Variants in GRIA1 observed in about 807,000 individuals in gnomAD.
GRIA1 encodes glutamate ionotropic receptor AMPA type subunit 1.
In GRIA1, 31 loss-of-function variants were observed where a neutral mutation model predicts 99.2. The ratio of observed to expected loss-of-function variants is 0.31; its 90% CI spans 0.23 to 0.42. GRIA1 has a LOEUF of 0.42. Among genes scored for constraint, GRIA1 ranks in the 10% least tolerant of loss-of-function variants. GRIA1 has a pLI of 1.00. For missense variants in GRIA1, 782 were observed against 1,157.5 expected (o/e 0.68, Z 4.71); for synonymous variants, 438 against 432.4 (o/e 1.01, Z -0.16).
intron 11 of GRIA1, among the ~76,000 whole-genome samples, chr5:153,706,422 T>C (rs1255964039): frequency 6.6e-6 from 1 of 152,224 alleles, no homozygotes; most frequent in Non-Finnish European, 1.5e-5. Flanking sequence ...TTCTGAGTCC[T>C]GTACATGCCT....
intron 11 of GRIA1, among the ~76,000 whole-genome samples, chr5:153,716,920 G>A (rs970976597): frequency 5.3e-5 from 8 of 152,178 alleles, no homozygotes; most frequent in African/African-American, 1.4e-4. Flanking sequence ...AAGGACATTC[G>A]TTTCACTGTT....
intron 2 of GRIA1, among the ~76,000 whole-genome samples, chr5:153,623,444 G>T (rs1349707975): frequency 6.6e-6 from 1 of 152,132 alleles, no homozygotes; most frequent in Non-Finnish European, 1.5e-5. Context: ...TGTTAGCAAA[G>T]GTAGCAAGTG....
At chr5:153,538,375 A>G (rs1758769748) in intron 2 of GRIA1, among the ~76,000 whole-genome samples, 1 of 152,186 alleles carries the variant, frequency 6.6e-6, no homozygotes, top group African/African-American at 2.4e-5. Flanking sequence ...TATGACAAAA[A>G]GATTTAAAGG....
At chr5:153,790,512 G>A (rs113182920) in intron 13 of GRIA1, among the ~76,000 whole-genome samples, 2,604 of 152,152 alleles carry the variant, frequency 0.017, 30 homozygotes, top group Non-Finnish European at 0.027. Flanking sequence ...TTCTAGAACA[G>A]CACCTTCCAA....
At chr5:153,739,088 CAAA>C (rs34623069) in intron 11 of GRIA1, among the ~76,000 whole-genome samples, 2 of 139,430 alleles carry the variant, frequency 1.4e-5, no homozygotes, top group African/African-American at 2.6e-5. Flanking sequence ...GGGATTTCTC[CAAA>C]AAAAAAAAAA....
chr5:153,644,186 A>G (rs1302283756), intron 2 of GRIA1, among the ~76,000 whole-genome samples: 1 of 152,240 alleles, frequency 6.6e-6, no homozygotes, highest in Non-Finnish European at 1.5e-5. Flanking sequence ...CATTGGGAGA[A>G]TAATATGTGA....
At chr5:153,616,612 A>G (rs973768833) in intron 2 of GRIA1, among the ~76,000 whole-genome samples, 1 of 152,222 alleles carries the variant, frequency 6.6e-6, no homozygotes, top group Non-Finnish European at 1.5e-5. Context: ...ATACAATTTT[A>G]TTCTCCCAGG....
chr5:153,807,650 G>T (rs1173280158), intron 15 of GRIA1, among the ~76,000 whole-genome samples: 1 of 152,130 alleles, frequency 6.6e-6, no homozygotes, highest in African/African-American at 2.4e-5. Flanking sequence ...ACTCAGAGAG[G>T]GACTTCAGGC....
At chr5:153,708,877 T>G (rs963310103) in intron 11 of GRIA1, among the ~76,000 whole-genome samples, 3 of 152,170 alleles carry the variant, frequency 2.0e-5, no homozygotes, top group African/African-American at 7.2e-5. Flanking sequence ...GACACAAGAG[T>G]GAACTGCCAA....
chr5:153,804,516 C>T (rs1177273837), intron 15 of GRIA1, among the ~76,000 whole-genome samples: 3 of 152,172 alleles, frequency 2.0e-5, no homozygotes, highest in Non-Finnish European at 4.4e-5. Flanking sequence ...TCTCTATAGA[C>T]CATGACTCAA....
rs7736143 is a variant in GRIA1 at position 153,614,731 on chromosome 5, A to T, written c.221-32197A>T. Among the ~76,000 whole-genome samples, 1,486 of 152,366 alleles carry T rather than the reference A, an allele frequency of 9.8e-3. 19 individuals carry two copies. Among genetic ancestry groups the T allele is most frequent in the African/African-American group, 0.034 (1,403 of 41,580 alleles). The stretch of plus-strand genomic sequence containing the variant: ...TGATTGATAAGCCATTTCTCTTTCT[A>T]TGCAAACAGAGAGCCTCTCAGGTAC... On this transcript the variant is annotated intron_variant, in intron 2 of 15. Transcript: ENST00000285900.
At chr5:153,654,955 A>C (rs376441673) in intron 4 of GRIA1, among the ~76,000 whole-genome samples, 1 of 152,190 alleles carries the variant, frequency 6.6e-6, no homozygotes, top group Non-Finnish European at 1.5e-5. Context: ...TCTTTCCACA[A>C]ATATTTTTTC....
At chr5:153,552,203 A>T (rs900966888) in intron 2 of GRIA1, among the ~76,000 whole-genome samples, 3 of 151,964 alleles carry the variant, frequency 2.0e-5, no homozygotes, top group African/African-American at 4.8e-5. Flanking sequence ...ACAAAAAAAC[A>T]TCATGAGACT....
chr5:153,731,235 T>C (rs1391161737), intron 11 of GRIA1, among the ~76,000 whole-genome samples: 1 of 151,876 alleles, frequency 6.6e-6, no homozygotes, highest in African/African-American at 2.4e-5. Flanking sequence ...TTTCTCTCTC[T>C]CTCTCTCTCC....
chr5:153,810,370 A>C (rs1264429047), intron 15 of GRIA1, among the ~76,000 whole-genome samples: 7 of 152,240 alleles, frequency 4.6e-5, no homozygotes, highest in Middle Eastern at 6.3e-3. Flanking sequence ...TATTCAAACG[A>C]GTCCTACATT....
intron 2 of GRIA1, among the ~76,000 whole-genome samples, chr5:153,549,409 A>G (rs1272593625): frequency 6.6e-6 from 1 of 152,146 alleles, no homozygotes; most frequent in African/African-American, 2.4e-5. Context: ...GGTTTTAATC[A>G]GGAAAAAGAA....
intron 2 of GRIA1, among the ~76,000 whole-genome samples, chr5:153,638,017 A>G (rs991886132): frequency 4.6e-5 from 7 of 152,254 alleles, no homozygotes; most frequent in South Asian, 2.1e-4. Flanking sequence ...ATAATATAAA[A>G]TAAAATAATC....
rs529028583 is a variant in GRIA1, at chr5:153,675,851, G to T, written c.862-1143G>T. Among the ~76,000 whole-genome samples the T allele has an allele frequency of 1.3e-4, 18 of 140,526 alleles. No homozygotes were observed. In the South Asian group the frequency reaches 4.2e-3, roughly 33 times the overall value. The allele number at this position is 140,526 out of a possible 152,430, so 92.2% of individuals were successfully genotyped here. On this transcript the variant is annotated intron_variant, in intron 6 of 15. Transcript: ENST00000285900. ...GAGCAGATGACAAAAATAACCAAAT[G>T]TAATTTAATTTTTTTTTTTTTTTGA...
intron 2 of GRIA1, among the ~76,000 whole-genome samples, chr5:153,639,007 G>A (rs1035593921): frequency 3.9e-5 from 6 of 152,196 alleles, no homozygotes; most frequent in Admixed American, 2.6e-4. Context: ...CTACGGCCGA[G>A]AAACAACTGA....
Sources: allele counts gnomAD v4.1 joint callset (sites outside exome capture counted in the v4.1 genomes callset), GRCh38; gene constraint gnomAD v4.1.1; transcripts MANE v1.5; gene names NCBI Gene and HGNC (gene_info 2026-07-23, HGNC 2026-07-21).